SVIL: variants seen among roughly 807,000 people sequenced by gnomAD.
SVIL encodes the protein archvillin.
SVIL carries 101 observed loss-of-function variants against 240.4 expected under a neutral mutation model. The ratio of observed to expected loss-of-function variants is 0.42; its 90% CI spans 0.36 to 0.50. The LOEUF (loss-of-function observed/expected upper bound fraction) is 0.50. Among genes scored for constraint, SVIL ranks in the 20% least tolerant of loss-of-function variants. SVIL has a pLI of 0.01. For synonymous variants in SVIL, 999 were observed against 1,100.0 expected (o/e 0.91, Z 1.82); for missense variants, 2,512 against 2,818.7 (o/e 0.89, Z 2.46).
At chr10:29,546,461 A>G (rs4747664) in intron 6 of SVIL, among the ~76,000 whole-genome samples, 63,207 of 151,698 alleles carry the variant, frequency 0.42, 13,181 homozygotes, top group East Asian at 0.44. Context: ...CTAATCAATT[A>G]ACTATTTTTT....
intron 1 of SVIL, among the ~76,000 whole-genome samples, chr10:29,631,966 T>G (rs1958113259): frequency 6.6e-6 from 1 of 152,112 alleles, no homozygotes; most frequent in African/African-American, 2.4e-5. Context: ...CACCCTGAGA[T>G]CAGCGCTTTA....
chr10:29,495,635 T>C (rs765359983), intron 18 of SVIL, among the ~76,000 whole-genome samples: 2 of 152,080 alleles, frequency 1.3e-5, no homozygotes, highest in Non-Finnish European at 2.9e-5. Context: ...CCTGGGGACA[T>C]GACACAGACA....
At chr10:29,606,188 C>T (rs530921893) in intron 1 of SVIL, among the ~76,000 whole-genome samples, 3 of 151,990 alleles carry the variant, frequency 2.0e-5, no homozygotes, top group Non-Finnish European at 4.4e-5. Flanking sequence ...GGATTACAGG[C>T]GTGCGCCACA....
chr10:29,539,900 C>T (rs567521957), intron 6 of SVIL, among the ~76,000 whole-genome samples: 73 of 152,262 alleles, frequency 4.8e-4, no homozygotes, highest in African/African-American at 1.7e-3. Context: ...AATTGAGACT[C>T]GCTTTTTACT....
At chr10:29,643,773 T>C (rs1356159557) in intron 3 of SVIL, among the ~76,000 whole-genome samples, 1 of 152,172 alleles carries the variant, frequency 6.6e-6, no homozygotes, top group South Asian at 2.1e-4. Context: ...CAAGGTCATC[T>C]GTAAGTCACT....
intron 35 of SVIL, among the ~76,000 whole-genome samples, chr10:29,463,089 G>A (rs975245704): frequency 3.3e-5 from 5 of 152,232 alleles, no homozygotes; most frequent in Admixed American, 1.3e-4. Flanking sequence ...CACTGTTTGG[G>A]GGAGACCTCC....
intron 32 of SVIL, chr10:29,468,950 G>A (rs1051861446): frequency 6.6e-6 from 1 of 152,028 alleles, no homozygotes; most frequent in East Asian, 1.9e-4. Context: ...AGAGACTTGG[G>A]CTTATTCACC....
At chr10:29,530,525 A>G (rs1292038268) in intron 11 of SVIL, 82 bp downstream of exon 11, 4 of 1,513,018 alleles carry the variant, frequency 2.6e-6, no homozygotes, top group Admixed American at 1.7e-5. Flanking sequence ...GCCTCAAGTG[A>G]TTCTCCTGCC....
In SVIL at chr10:29,587,497, A is replaced by G. The variant is rs543619362; in HGVS notation, c.-200-18185T>C. 6.1e-3 allele frequency among the ~76,000 whole-genome samples: 931 copies of G among 152,208 alleles called. 15 individuals carry two copies. The highest frequency in any genetic ancestry group is 0.021 in the African/African-American group (871 of 41,526). On this transcript the variant is annotated intron_variant, in intron 1 of 37. Transcript: ENST00000355867. Reference sequence around the variant, plus strand: ...GACAAAGGGTTACCCTGTGCCAAAAACTCTTCCAAGGCCGCACTGGGACTC... The same window carrying G: ...GACAAAGGGTTACCCTGTGCCAAAAGCTCTTCCAAGGCCGCACTGGGACTC...
chr10:29,651,913 A>AGC (rs2133012874), intron 3 of SVIL, among the ~76,000 whole-genome samples: 1 of 152,124 alleles, frequency 6.6e-6, no homozygotes, highest in African/African-American at 2.4e-5. Flanking sequence ...TCAAGACCAA[A>AGC]ATTTAGAGGT....
intron 17 of SVIL, among the ~76,000 whole-genome samples, chr10:29,507,540 C>G (rs1199453712): frequency 6.7e-6 from 1 of 150,342 alleles, no homozygotes; most frequent in African/African-American, 2.5e-5. Flanking sequence ...CACTCACATT[C>G]TCACAGATAC....
intron 29 of SVIL, among the ~76,000 whole-genome samples, chr10:29,476,022 A>G (rs940207464): frequency 6.6e-6 from 1 of 152,222 alleles, no homozygotes; most frequent in Non-Finnish European, 1.5e-5. Flanking sequence ...GACTAAGCAC[A>G]GTCTTTTGTA....
chr10:29,592,048 C>T (rs904468713), intron 1 of SVIL, among the ~76,000 whole-genome samples: 6 of 152,098 alleles, frequency 3.9e-5, no homozygotes, highest in African/African-American at 9.7e-5. Context: ...GTCAGGAGTT[C>T]GAGACCAGCC....
At chr10:29,481,193 GT>G (rs201842986) in intron 28 of SVIL, among the ~76,000 whole-genome samples, 15 of 142,914 alleles carry the variant, frequency 1.0e-4, no homozygotes, top group Admixed American at 3.5e-4. Flanking sequence ...TGTGTCCATG[GT>G]TTTTTTTTTA....
At chr10:29,732,858 G>GTT (rs774325305) in intron 1 of SVIL, among the ~76,000 whole-genome samples, 3 of 140,134 alleles carry the variant, frequency 2.1e-5, no homozygotes, top group African/African-American at 2.6e-5. Flanking sequence ...TTGGGTTTTT[G>GTT]TTTTTTTTTT....
chr10:29,716,959 C>G (rs968013368), intron 1 of SVIL, among the ~76,000 whole-genome samples: 2 of 152,090 alleles, frequency 1.3e-5, no homozygotes, highest in Admixed American at 6.6e-5. Flanking sequence ...GGCTGGGAGC[C>G]GTGGCTCACG....
intron 17 of SVIL, among the ~76,000 whole-genome samples, chr10:29,500,198 A>AGAAGAGTG: frequency 6.6e-6 from 1 of 152,104 alleles, no homozygotes; most frequent in East Asian, 1.9e-4. Context: ...TGTATTGGGG[A>AGAAGAGTG]GAAGAGTGTA....
At chr10:29,554,684 T>C (rs1953737661) in intron 5 of SVIL, 99 bp downstream of exon 5, 1 of 1,367,764 alleles carries the variant, frequency 7.3e-7, no homozygotes, top group Admixed American at 3.2e-5. Context: ...AATTCACTTC[T>C]GTGGAATATC....
upstream of SVIL, among the ~76,000 whole-genome samples, chr10:29,639,572 G>T (rs569318684): frequency 6.6e-6 from 1 of 150,454 alleles, no homozygotes; most frequent in Non-Finnish European, 1.5e-5. Flanking sequence ...AAGTTCAAGC[G>T]ATTCTCCTAC....
Sources: allele counts gnomAD v4.1 joint callset (sites outside exome capture counted in the v4.1 genomes callset), GRCh38; gene constraint gnomAD v4.1.1; transcripts MANE v1.5; gene names NCBI Gene and HGNC (gene_info 2026-07-23, HGNC 2026-07-21).